Variants in MACROD2 observed in about 807,000 individuals in gnomAD.
The protein encoded by MACROD2 is mono-ADP ribosylhydrolase 2.
In MACROD2, 36 loss-of-function variants were observed where a neutral mutation model predicts 70.4. The observed-to-expected ratio is 0.51, with a 90% CI of 0.39 to 0.68. The LOEUF is 0.68. Among genes scored for constraint, MACROD2 ranks in the 30% least tolerant of loss-of-function variants. The pLI is 0.00. For missense variants in MACROD2, 496 were observed against 538.4 expected (o/e 0.92, Z 0.78); for synonymous variants, 172 against 178.8 (o/e 0.96, Z 0.30).
chr20:15,758,698 C>A (rs1193663787), intron 8 of MACROD2, among the ~76,000 whole-genome samples: 5 of 152,060 alleles, frequency 3.3e-5, no homozygotes, highest in Admixed American at 3.3e-4. Context: ...CTCCACCACA[C>A]CCAGCTAGTT....
chr20:15,002,796 C>G (rs1252664614), intron 5 of MACROD2, among the ~76,000 whole-genome samples: 1 of 152,184 alleles, frequency 6.6e-6, no homozygotes, highest in Non-Finnish European at 1.5e-5. Context: ...ACGCTCCACT[C>G]TACTTCCAGC....
chr20:14,231,175 A>G (rs529121773), intron 3 of MACROD2, among the ~76,000 whole-genome samples: 1,593 of 151,308 alleles, frequency 0.011, 20 homozygotes, highest in Non-Finnish European at 0.015. Context: ...TTTAGGGTAC[A>G]TGTGCACAAT....
chr20:14,499,463 G>C (rs115089326), intron 4 of MACROD2, among the ~76,000 whole-genome samples: 1 of 151,970 alleles, frequency 6.6e-6, no homozygotes, highest in African/African-American at 2.4e-5. Context: ...AGCTCTGGAC[G>C]TTGAGGCTGC....
intron 5 of MACROD2, among the ~76,000 whole-genome samples, chr20:15,203,630 C>A (rs373300135): frequency 3.3e-5 from 5 of 152,022 alleles, no homozygotes; most frequent in African/African-American, 1.2e-4. Flanking sequence ...TGTTAACTGC[C>A]AAAAGCTATT....
At chr20:15,462,740 G>A (rs1301173111) in intron 7 of MACROD2, among the ~76,000 whole-genome samples, 1 of 152,142 alleles carries the variant, frequency 6.6e-6, no homozygotes, top group Non-Finnish European at 1.5e-5. Flanking sequence ...CTTCCCCTTT[G>A]TAACATATTT....
intron 8 of MACROD2, among the ~76,000 whole-genome samples, chr20:15,525,357 A>G (rs1487828936): frequency 6.6e-6 from 1 of 152,244 alleles, no homozygotes; most frequent in East Asian, 1.9e-4. Context: ...CAGAGTGGTC[A>G]GCCACAACTG....
At chr20:14,081,587 C>T (rs1169684394) in intron 2 of MACROD2, among the ~76,000 whole-genome samples, 1 of 152,102 alleles carries the variant, frequency 6.6e-6, no homozygotes, top group Non-Finnish European at 1.5e-5. Context: ...TACTTGGCAA[C>T]TTTTTGTCTT....
intron 3 of MACROD2, among the ~76,000 whole-genome samples, chr20:14,356,487 G>A (rs2083173195): frequency 6.7e-6 from 1 of 149,066 alleles, no homozygotes; most frequent in African/African-American, 2.5e-5. Flanking sequence ...GGGGGCTGGA[G>A]GATCTACTTT....
At chr20:14,490,160 G>C (rs1030516982) in intron 3 of MACROD2, among the ~76,000 whole-genome samples, 1 of 152,064 alleles carries the variant, frequency 6.6e-6, no homozygotes, top group African/African-American at 2.4e-5. Context: ...CTTTAATAGT[G>C]AGTATTTATA....
chr20:16,008,859 A>C (rs1309936970), intron 15 of MACROD2, among the ~76,000 whole-genome samples: 1 of 152,122 alleles, frequency 6.6e-6, no homozygotes. Flanking sequence ...CCATATAATT[A>C]CTTTGCTAAT....
intron 12 of MACROD2, among the ~76,000 whole-genome samples, chr20:15,958,477 T>G (rs1237376579): frequency 1.3e-5 from 2 of 152,162 alleles, no homozygotes; most frequent in African/African-American, 4.8e-5. Flanking sequence ...AAGGATCAAA[T>G]GAAAATGTGA....
chr20:15,594,420 T>C (rs1395932147), intron 8 of MACROD2, among the ~76,000 whole-genome samples: 1 of 152,194 alleles, frequency 6.6e-6, no homozygotes, highest in Non-Finnish European at 1.5e-5. Flanking sequence ...TTCTTGTGTA[T>C]GTTCCTCACA....
In MACROD2 at chr20:15,038,866, A is replaced by G. The variant is rs137895964; in HGVS notation, c.419-191074A>G. Among the ~76,000 whole-genome samples, 67 of 152,318 alleles carry G rather than the reference A, an allele frequency of 4.4e-4. No individual in the cohort carries two copies. In the Middle Eastern group the frequency reaches 0.01, roughly 23 times the overall value. On this transcript the variant is annotated intron_variant, in intron 5 of 17. Transcript: ENST00000684519. ...GAAACATGATATGAAGTAGAACTGG[A>G]TTCATTATAATATATGTGTGATTTA...
intron 4 of MACROD2, among the ~76,000 whole-genome samples, chr20:14,520,276 C>A (rs1260860456): frequency 3.3e-5 from 5 of 151,932 alleles, no homozygotes; most frequent in Non-Finnish European, 7.4e-5. Context: ...AGTGTAAAGC[C>A]AATTTATTTG....
At chr20:15,996,111 A>T (rs1406494060) in intron 15 of MACROD2, among the ~76,000 whole-genome samples, 2 of 152,122 alleles carry the variant, frequency 1.3e-5, no homozygotes, top group Non-Finnish European at 2.9e-5. Flanking sequence ...ACTAATTTAC[A>T]TTTCCATTAA....
intron 5 of MACROD2, among the ~76,000 whole-genome samples, chr20:14,912,916 G>A (rs2074045374): frequency 6.6e-6 from 1 of 152,176 alleles, no homozygotes; most frequent in Non-Finnish European, 1.5e-5. Context: ...ATATACTCCA[G>A]AGTTTTAGAT....
chr20:14,198,411 G>A (rs954589550), intron 3 of MACROD2, among the ~76,000 whole-genome samples: 1 of 152,164 alleles, frequency 6.6e-6, no homozygotes, highest in Admixed American at 6.5e-5. Flanking sequence ...ATAAGTTGAT[G>A]TATCAATTAT....
intron 6 of MACROD2, among the ~76,000 whole-genome samples, chr20:15,416,339 C>A (rs531101599): frequency 1.3e-5 from 2 of 152,262 alleles, no homozygotes; most frequent in South Asian, 4.1e-4. Context: ...TTAGACATCT[C>A]TTTCTTGGTC....
At chr20:14,449,000 T>TA (rs2084215708) in intron 3 of MACROD2, among the ~76,000 whole-genome samples, 1 of 152,150 alleles carries the variant, frequency 6.6e-6, no homozygotes, top group South Asian at 2.1e-4. Context: ...GTCTACCACT[T>TA]AGAGAATCTT....
Sources: allele counts gnomAD v4.1 joint callset (sites outside exome capture counted in the v4.1 genomes callset), GRCh38; gene constraint gnomAD v4.1.1; transcripts MANE v1.5; gene names NCBI Gene and HGNC (gene_info 2026-07-23, HGNC 2026-07-21).